The following KAT6B variants were observed in gnomAD, a reference collection of about 807,000 sequenced individuals.
KAT6B encodes histone acetyltransferase KAT6B.
KAT6B carries 10 observed loss-of-function variants against 187.5 expected under a neutral mutation model. The observed-to-expected ratio is 0.05, with a 90% CI of 0.03 to 0.09. The LOEUF is 0.09. KAT6B is among the 10% of genes least tolerant of loss of function. KAT6B has a pLI of 1.00. For synonymous variants in KAT6B, 861 were observed against 926.8 expected, an observed-to-expected ratio of 0.93 and a Z score of 1.29; for missense variants, 1,952 against 2,558.9, an observed-to-expected ratio of 0.76 and a Z score of 5.12.
In KAT6B at chr10:75,028,851, C is replaced by T. The variant is rs745533964; in HGVS notation, c.4027C>T (p.Pro1343Ser). 1.2e-6 allele frequency: 2 copies of T among 1,612,400 alleles called. No homozygotes were observed. Among genetic ancestry groups the T allele is most frequent in the South Asian group, 2.2e-5 (2 of 91,008 alleles). ...VSPNTSPGEK[P>S]EDDLIKPEEE... ...TCCAAACACATCACCAGGTGAAAAA[C>T]CAGAAGATGATCTCATCAAACCTGA... The change falls in exon 18 of 18, where the codon CCA becomes TCA. Residue 1343 changes from proline to serine, a missense_variant. This residue lies in a region of KAT6B where 758 missense variants were observed against 891.4 expected (regional missense o/e 0.85). Coordinates refer to ENST00000287239, the MANE Select transcript of KAT6B (RefSeq NM_012330.4).
intron 3 of KAT6B, among the ~76,000 whole-genome samples, chr10:74,929,455 TCATA>T (rs1415347156): frequency 6.6e-6 from 1 of 152,216 alleles, no homozygotes; most frequent in Non-Finnish European, 1.5e-5. Context: ...GCAGTATTAG[TCATA>T]CATTGACCGA....
At chr10:74,881,950 C>T (rs925567320) in intron 3 of KAT6B, among the ~76,000 whole-genome samples, 4 of 152,226 alleles carry the variant, frequency 2.6e-5, no homozygotes, top group African/African-American at 9.6e-5. Context: ...AACCACCACA[C>T]TTGGCTGGGG....
intron 3 of KAT6B, among the ~76,000 whole-genome samples, chr10:74,903,960 G>GA (rs1846575951): frequency 6.6e-6 from 1 of 152,194 alleles, no homozygotes; most frequent in African/African-American, 2.4e-5. Flanking sequence ...TCCAGGGACT[G>GA]AGATACTCCA....
intron 3 of KAT6B, among the ~76,000 whole-genome samples, chr10:74,852,356 C>T (rs1203714495): frequency 6.6e-6 from 1 of 152,178 alleles, no homozygotes; most frequent in African/African-American, 2.4e-5. Flanking sequence ...TCACTAAAGT[C>T]AGACAGAAAC....
At chr10:74,931,836 C>T (rs190434820) in intron 3 of KAT6B, among the ~76,000 whole-genome samples, 1 of 152,260 alleles carries the variant, frequency 6.6e-6, no homozygotes, top group East Asian at 1.9e-4. Context: ...TCAGCCTCCC[C>T]GAGTAGCTGG....
rs1366589125 is a variant in KAT6B, at chr10:74,985,115, C to T, written c.2409C>T (p.Asn803=). The T allele has an allele frequency of 6.2e-7, 1 of 1,614,086 alleles. No homozygotes were observed. Among genetic ancestry groups the T allele is most frequent in the East Asian group, 2.2e-5 (1 of 44,866 alleles). The change falls in exon 12 of 18, where the codon AAC becomes AAT. Residue 803 remains asparagine, a synonymous_variant. Coordinates refer to ENST00000287239, the MANE Select transcript of KAT6B (RefSeq NM_012330.4). ...DGNMSKIYCQ[N]LCLLAKLFLD... ...ATATGAGCAAAATTTATTGCCAAAACCTTTGCTTGTTAGCCAAGCTCTTCC... is the reference window on the plus strand; with the variant it reads ...ATATGAGCAAAATTTATTGCCAAAATCTTTGCTTGTTAGCCAAGCTCTTCC...
chr10:74,909,653 G>C lies in KAT6B; in HGVS notation c.622-50317G>C, dbSNP rs1847047789. ...GTTCTGGATGGATACTGGCCTTCTGGGTGAGAAGGGGGTTCTTTGGCAAAA... is the reference window on the plus strand; with the variant it reads ...GTTCTGGATGGATACTGGCCTTCTGCGTGAGAAGGGGGTTCTTTGGCAAAA... On this transcript the variant is annotated intron_variant, in intron 3 of 17. Transcript: ENST00000287239. 2.0e-5 allele frequency among the ~76,000 whole-genome samples: 3 copies of C among 152,084 alleles called. No individual in the cohort carries two copies. In the South Asian group the frequency reaches 6.2e-4, roughly 32 times the overall value.
In KAT6B at chr10:75,029,441, T is replaced by G; in HGVS notation, c.4617T>G (p.Ser1539=). 6.2e-7 allele frequency: 1 copy of G among 1,614,106 alleles called. No individual in the cohort carries two copies. Among genetic ancestry groups the G allele is most frequent in the Admixed American group, 1.7e-5 (1 of 60,020 alleles). ...ACCCAGCAACCATGGAAATCGACTC[T>G]GAGACTGTCCAGGCCGTTCAGTCTT... is the stretch of plus-strand genomic sequence containing the variant. ...EGNPATMEID[S]ETVQAVQSLT... is the part of the protein sequence containing the mutation. Residue 1539 remains serine (S), a synonymous_variant, in exon 18 of 18, where the codon TCT becomes TCG. Transcript: ENST00000287239. The surrounding 1 kb of genome is among the most constrained non-coding windows in gnomAD (Gnocchi z 6.2).
At chr10:74,891,731 A>G (rs996379821) in intron 3 of KAT6B, among the ~76,000 whole-genome samples, 3 of 152,180 alleles carry the variant, frequency 2.0e-5, no homozygotes, top group Admixed American at 1.3e-4. Context: ...TGTGGTAGTG[A>G]TCAGAGCTAT....
chr10:74,996,818 T>C (rs1165276618), intron 13 of KAT6B, among the ~76,000 whole-genome samples: 6 of 150,460 alleles, frequency 4.0e-5, no homozygotes, highest in Admixed American at 1.3e-4. Flanking sequence ...TATAATTATT[T>C]ATCTGATCTT....
At chr10:74,947,756 T>G in intron 3 of KAT6B, among the ~76,000 whole-genome samples, 1 of 152,206 alleles carries the variant, frequency 6.6e-6, no homozygotes, top group East Asian at 1.9e-4. Context: ...GAAATTAAGT[T>G]TAAAATCTTC....
At chr10:74,906,395 C>G (rs1215397534) in intron 3 of KAT6B, among the ~76,000 whole-genome samples, 1 of 148,342 alleles carries the variant, frequency 6.7e-6, no homozygotes, top group African/African-American at 2.5e-5. Context: ...GACTCCACCT[C>G]AAAAAAAAAA....
chr10:75,010,552 G>A (rs1487708046), intron 13 of KAT6B, among the ~76,000 whole-genome samples: 1 of 152,122 alleles, frequency 6.6e-6, no homozygotes, highest in Non-Finnish European at 1.5e-5. Flanking sequence ...AAAAATTACA[G>A]CTGGTACATA....
intron 3 of KAT6B, among the ~76,000 whole-genome samples, chr10:74,866,293 A>G (rs539291771): frequency 5.0e-4 from 76 of 151,954 alleles, no homozygotes; most frequent in African/African-American, 1.8e-3. Flanking sequence ...GAAGTATTTA[A>G]TGGTGAAGTG....
chr10:74,869,200 C>CGT (rs1419431165), intron 3 of KAT6B, among the ~76,000 whole-genome samples: 3 of 152,062 alleles, frequency 2.0e-5, no homozygotes, highest in Admixed American at 6.6e-5. Context: ...TGTTTATGCG[C>CGT]GTGTCCTTTC....
At chr10:75,009,128 AATG>A (rs1844420121) in intron 13 of KAT6B, among the ~76,000 whole-genome samples, 1 of 152,202 alleles carries the variant, frequency 6.6e-6, no homozygotes, top group African/African-American at 2.4e-5. Flanking sequence ...TTGATTTGTA[AATG>A]ATGATTGCAG....
rs1326542047 is a variant in KAT6B at position 74,975,889 on chromosome 10, T to C, written c.1552T>C (p.Ser518Pro). Residue 518 changes from serine (S) to proline (P), a missense_variant, in exon 8 of 18, where the codon TCT becomes CCT. Transcript: ENST00000287239. ...QKSSTATSSPSPQSSSSQCSV... is the reference protein window; with the variant it reads ...QKSSTATSSPPPQSSSSQCSV... ...GTCCAGCACGGCCACTTCTTCTCCC[T>C]CTCCCCAGAGTTCTTCCAGCCAGTG... is the stretch of plus-strand genomic sequence containing the variant. The C allele has an allele frequency of 6.2e-7, 1 of 1,614,008 alleles. No individual in the cohort carries two copies. Among genetic ancestry groups the C allele is most frequent in the South Asian group, 1.1e-5 (1 of 91,060 alleles).
chr10:74,976,162 G>C lies in KAT6B; in HGVS notation c.1825G>C (p.Ala609Pro). 6.2e-7 allele frequency: 1 copy of C among 1,614,146 alleles called. No homozygotes were observed. The highest frequency in any genetic ancestry group is 8.5e-7 in the Non-Finnish European group (1 of 1,180,028). ...SHSSSSSWGM[A>P]RGSIFKAIAH... The stretch of plus-strand genomic sequence containing the variant: ...CTCCTCCTCCTCTAGCTGGGGGATG[G>C]CTAGAGGAAGTATTTTTAAAGCAAT... Residue 609 changes from alanine (A) to proline (P), a missense_variant, in exon 8 of 18, where the codon GCT becomes CCT. Physicochemically the swap from Ala to Pro is conservative, Grantham distance 27. Coordinates refer to ENST00000287239, the MANE Select transcript of KAT6B (RefSeq NM_012330.4).
chr10:74,966,934 G>C (rs982563721), intron 4 of KAT6B, among the ~76,000 whole-genome samples: 1 of 152,178 alleles, frequency 6.6e-6, no homozygotes, highest in Non-Finnish European at 1.5e-5. Flanking sequence ...AGAGGCTGAG[G>C]TGACAGCACT....
Sources: gnomAD v4.1 joint callset for allele counts (sites outside exome capture counted in the v4.1 genomes callset) on GRCh38, gnomAD v4.1.1 for gene constraint, gnomAD v4.1.1 regional missense constraint, Gnocchi (gnomAD v3.1) non-coding constraint, MANE v1.5 for transcripts, NCBI Gene and HGNC (gene_info 2026-07-23, HGNC 2026-07-21) for gene names.